The following BIN1 variants were observed in gnomAD, a reference collection of about 807,000 sequenced individuals.
The protein encoded by BIN1 is bridging integrator 1, also known as myc box-dependent-interacting protein 1.
Under a neutral mutation model 82.0 loss-of-function variants are expected in BIN1, and 53 were observed. That is an observed-to-expected ratio of 0.65 (90% confidence interval 0.52 to 0.81). BIN1 has a LOEUF of 0.81. Among genes scored for constraint, BIN1 ranks in the 40% least tolerant of loss-of-function variants. The pLI is 0.00. For synonymous variants in BIN1, 302 were observed against 328.0 expected (o/e 0.92, Z 0.86); for missense variants, 642 against 784.4 (o/e 0.82, Z 2.17).
At position 127,057,377 on chromosome 2, in the gene BIN1, C is replaced by A; in HGVS notation, c.1131+96G>T. ...AACTGACACTCTCTCTGGCCAGATT[C>A]CTGGCTCTTGAGACAGAAGCATAGA... On this transcript the variant is annotated intron_variant, in intron 12 of 18. Coordinates refer to ENST00000316724, the MANE Select transcript of BIN1 (RefSeq NM_139343.3). This position sits in a 1 kb window ranked among gnomAD's most constrained non-coding sequence, Gnocchi z 5.0. 7.1e-7 allele frequency: 1 copy of A among 1,405,432 alleles called. No homozygotes were observed. 87.1% of individuals were successfully genotyped at this position (1,405,432 alleles called of 1,614,324 possible).
intron 1 of BIN1, among the ~76,000 whole-genome samples, chr2:127,084,205 G>A (rs1383964308): frequency 6.6e-6 from 1 of 152,154 alleles, no homozygotes; most frequent in African/African-American, 2.4e-5. Flanking sequence ...CTGGCGCACC[G>A]TATGCGCAGT....
At chr2:127,087,407 G>A (rs1329105001) in intron 1 of BIN1, among the ~76,000 whole-genome samples, 1 of 152,202 alleles carries the variant, frequency 6.6e-6, no homozygotes, top group African/African-American at 2.4e-5. Context: ...CCCTCCCAGG[G>A]TGCCTGAAAT....
chr2:127,086,179 C>T (rs567466586), intron 1 of BIN1, among the ~76,000 whole-genome samples: 4 of 152,282 alleles, frequency 2.6e-5, no homozygotes, highest in African/African-American at 7.2e-5. Context: ...AGGGTCAGGG[C>T]GGTCACTCAG....
In BIN1 at chr2:127,068,881, C is replaced by T; in HGVS notation, c.519+43G>A. The T allele has an allele frequency of 1.3e-6, 2 of 1,570,612 alleles. No homozygotes were observed. The highest frequency in any genetic ancestry group is 1.8e-6 in the Non-Finnish European group (2 of 1,141,168). ...GGGGTCCTAGACACCCGCCCTCTCT[C>T]AGCCCCCTGCAGACGCTGCCCCGAC... On this transcript the variant is annotated intron_variant, in intron 6 of 18. Coordinates refer to ENST00000316724, the MANE Select transcript of BIN1 (RefSeq NM_139343.3). The surrounding 1 kb of genome is among the most constrained non-coding windows in gnomAD (Gnocchi z 4.9).
chr2:127,069,181 G>A (rs1685537408), intron 5 of BIN1, 150 bp from the exon 6 acceptor site: 2 of 712,076 alleles, frequency 2.8e-6, no homozygotes, highest in South Asian at 1.8e-5. Flanking sequence ...CCTCCTCGTG[G>A]CAGAGAGCTC....
At chr2:127,094,634 C>T (rs1225043881) in intron 1 of BIN1, among the ~76,000 whole-genome samples, 1 of 152,240 alleles carries the variant, frequency 6.6e-6, no homozygotes, top group Non-Finnish European at 1.5e-5. Context: ...TGGGGAAGGC[C>T]TCCCTAGTCT....
intron 1 of BIN1, among the ~76,000 whole-genome samples, chr2:127,088,077 G>C (rs1412287155): frequency 6.6e-6 from 1 of 152,212 alleles, no homozygotes; most frequent in Non-Finnish European, 1.5e-5. Context: ...ACTGTGAAGA[G>C]TCCCCACCCC....
chr2:127,080,102 C>T (rs1286089994), intron 1 of BIN1, among the ~76,000 whole-genome samples: 1 of 152,270 alleles, frequency 6.6e-6, no homozygotes, highest in Non-Finnish European at 1.5e-5. Flanking sequence ...TGCACCTACC[C>T]CCATTTCATC....
At chr2:127,097,242 G>A (rs570754319) in intron 1 of BIN1, among the ~76,000 whole-genome samples, 5 of 152,284 alleles carry the variant, frequency 3.3e-5, no homozygotes, top group East Asian at 3.9e-4. Flanking sequence ...AAGGGTGAGC[G>A]GATCCACTGA....
At chr2:127,056,580 C>T (rs1683701175) in intron 12 of BIN1, 1 of 152,426 alleles carries the variant, frequency 6.6e-6, no homozygotes, top group African/African-American at 2.4e-5. Context: ...TGCTGGAGGC[C>T]ACCACAGCCT....
At chr2:127,064,324 G>A (rs979690268) in intron 7 of BIN1, among the ~76,000 whole-genome samples, 1 of 152,206 alleles carries the variant, frequency 6.6e-6, no homozygotes, top group African/African-American at 2.4e-5. Context: ...GGGGCTTGGC[G>A]AGCTGGACAC....
At chr2:127,071,597 A>G (rs1311318083) in intron 2 of BIN1, among the ~76,000 whole-genome samples, 2 of 152,166 alleles carry the variant, frequency 1.3e-5, no homozygotes, top group Non-Finnish European at 2.9e-5. Flanking sequence ...AACCAGAGCC[A>G]GGAAAGCTGA....
intron 1 of BIN1, among the ~76,000 whole-genome samples, chr2:127,083,051 C>T (rs1687497069): frequency 6.6e-6 from 1 of 151,952 alleles, no homozygotes; most frequent in Non-Finnish European, 1.5e-5. Context: ...CAACTGTTAC[C>T]ACTTGGCCAC....
chr2:127,101,356 T>C lies in BIN1; in HGVS notation c.84+5504A>G, dbSNP rs138584586. 2.0e-5 allele frequency among the ~76,000 whole-genome samples: 3 copies of C among 152,188 alleles called. No individual in the cohort carries two copies. In the East Asian group the frequency reaches 5.8e-4, roughly 29 times the overall value. On this transcript the variant is annotated intron_variant, in intron 1 of 18. Coordinates refer to ENST00000316724, the MANE Select transcript of BIN1 (RefSeq NM_139343.3). ...GGGACGGGAGCTGCCCACCTGACTC[T>C]CTCCACCCAATCCACTTGCTGTGTG...
At chr2:127,058,630 G>A (rs942771814) in intron 11 of BIN1, among the ~76,000 whole-genome samples, 1 of 152,170 alleles carries the variant, frequency 6.6e-6, no homozygotes, top group African/African-American at 2.4e-5. Context: ...AAGAGAGAGA[G>A]GCCAGGAAGA....
chr2:127,105,277 T>A (rs1454335553), intron 1 of BIN1, among the ~76,000 whole-genome samples: 1 of 152,040 alleles, frequency 6.6e-6, no homozygotes. Context: ...TAACCTCCCT[T>A]CCCATTCATC....
At chr2:127,097,946 T>A (rs1458207003) in intron 1 of BIN1, among the ~76,000 whole-genome samples, 1 of 152,218 alleles carries the variant, frequency 6.6e-6, no homozygotes, top group African/African-American at 2.4e-5. Context: ...GCTCAGGTTC[T>A]GAGGAGGCTT....
In BIN1 at chr2:127,068,801, G is replaced by T; in HGVS notation, c.519+123C>A. The T allele has an allele frequency of 1.1e-6, 1 of 940,278 alleles. No individual in the cohort carries two copies. Among genetic ancestry groups the T allele is most frequent in the Non-Finnish European group, 1.7e-6 (1 of 593,508 alleles). 58.2% of individuals were successfully genotyped at this position (940,278 alleles called of 1,614,324 possible). On this transcript the variant is annotated intron_variant, in intron 6 of 18. Coordinates refer to ENST00000316724, the MANE Select transcript of BIN1 (RefSeq NM_139343.3). The surrounding 1 kb of genome is among the most constrained non-coding windows in gnomAD (Gnocchi z 4.9). ...CACTCACCGGCCTGGGCCCTGTATCGTCCCCACCCCCAGTTCAGCCACCTG... is the reference window on the plus strand; with the variant it reads ...CACTCACCGGCCTGGGCCCTGTATCTTCCCCACCCCCAGTTCAGCCACCTG...
intron 1 of BIN1, among the ~76,000 whole-genome samples, chr2:127,080,033 G>A (rs979522531): frequency 6.6e-6 from 1 of 152,232 alleles, no homozygotes; most frequent in East Asian, 1.9e-4. Context: ...GCCACAGCAT[G>A]GCCGAGGCCC....
Sources: gnomAD v4.1 joint callset for allele counts (sites outside exome capture counted in the v4.1 genomes callset) on GRCh38, gnomAD v4.1.1 for gene constraint, Gnocchi (gnomAD v3.1) non-coding constraint, MANE v1.5 for transcripts, NCBI Gene and HGNC (gene_info 2026-07-23, HGNC 2026-07-21) for gene names.